The following SIPA1L1 variants were observed in gnomAD, a reference collection of about 807,000 sequenced individuals.
SIPA1L1 encodes the protein signal-induced proliferation-associated 1-like protein 1.
A neutral mutation model predicts 162.7 loss-of-function variants in SIPA1L1; 26 were observed. The ratio of observed to expected loss-of-function variants is 0.16; its 90% confidence interval spans 0.12 to 0.22. SIPA1L1 has a LOEUF of 0.22. Ranked by LOEUF, SIPA1L1 falls within the 10% of genes least tolerant of loss-of-function variation. The pLI is 1.00. For synonymous variants in SIPA1L1, 829 were observed against 837.4 expected (o/e 0.99, Z 0.17); for missense variants, 1,874 against 2,241.0 (o/e 0.84, Z 3.31).
intron 4 of SIPA1L1, among the ~76,000 whole-genome samples, chr14:71,548,045 A>C (rs932212641): frequency 1.4e-4 from 22 of 152,226 alleles, no homozygotes; most frequent in African/African-American, 5.3e-4. Context: ...AGCAGGTACC[A>C]ACTAGTGATT....
intron 2 of SIPA1L1, among the ~76,000 whole-genome samples, chr14:71,479,586 TA>T (rs2048180238): frequency 6.6e-6 from 1 of 151,962 alleles, no homozygotes; most frequent in Non-Finnish European, 1.5e-5. Flanking sequence ...TTTTTTATTT[TA>T]AATAGAGACA....
At chr14:71,491,574 G>A (rs771974143) in intron 2 of SIPA1L1, among the ~76,000 whole-genome samples, 9 of 151,818 alleles carry the variant, frequency 5.9e-5, no homozygotes, top group South Asian at 2.1e-4. Context: ...TCATTCTGTC[G>A]TCCAGACTGG....
intron 4 of SIPA1L1, among the ~76,000 whole-genome samples, chr14:71,570,707 G>A (rs759093843): frequency 4.6e-5 from 7 of 152,174 alleles, no homozygotes; most frequent in Non-Finnish European, 1.0e-4. Flanking sequence ...AGATACTGAA[G>A]ATGAAATGGA....
At chr14:71,663,767 G>A (rs1173339948) in intron 10 of SIPA1L1, among the ~76,000 whole-genome samples, 1 of 152,128 alleles carries the variant, frequency 6.6e-6, no homozygotes, top group Non-Finnish European at 1.5e-5. Flanking sequence ...AAGTCTTTGC[G>A]GGAAGTGGGA....
At chr14:71,392,703 A>ATT (rs890518455) in intron 2 of SIPA1L1, among the ~76,000 whole-genome samples, 2 of 145,566 alleles carry the variant, frequency 1.4e-5, no homozygotes, top group South Asian at 2.2e-4. Context: ...AATTTTTTGT[A>ATT]TTTTTTTTTT....
chr14:71,509,119 A>G (rs1226926623), intron 2 of SIPA1L1, among the ~76,000 whole-genome samples: 1 of 152,186 alleles, frequency 6.6e-6, no homozygotes, highest in Non-Finnish European at 1.5e-5. Context: ...AACGAGTTAC[A>G]GTTCTCTTGG....
chr14:71,344,240 G>C (rs936509463), intron 2 of SIPA1L1, among the ~76,000 whole-genome samples: 1 of 152,192 alleles, frequency 6.6e-6, no homozygotes, highest in African/African-American at 2.4e-5. Flanking sequence ...GCACATGCAG[G>C]CTTTGGAACC....
At chr14:71,366,768 C>G (rs1197326817) in intron 2 of SIPA1L1, among the ~76,000 whole-genome samples, 1 of 152,136 alleles carries the variant, frequency 6.6e-6, no homozygotes, top group Non-Finnish European at 1.5e-5. Flanking sequence ...AGTCTGTTCT[C>G]TCTTTAAAAG....
chr14:71,527,283 G>A lies in SIPA1L1; in HGVS notation c.-361-2029G>A, dbSNP rs1423790674. On this transcript the variant is annotated intron_variant, in intron 3 of 23. Transcript: ENST00000381232. ...CTGCTTCAGCCTCCCAAATAGCTGG[G>A]ACTATAGGCGCACACCACCATGCCT... is the stretch of plus-strand genomic sequence containing the variant. Among the ~76,000 whole-genome samples the A allele has an allele frequency of 6.6e-5, 10 of 151,984 alleles. 1 individual carries two copies.
chr14:71,396,271 A>C (rs187588799), intron 2 of SIPA1L1, among the ~76,000 whole-genome samples: 3 of 152,182 alleles, frequency 2.0e-5, no homozygotes, highest in African/African-American at 7.2e-5. Context: ...CTTGAAGTTT[A>C]TACCCAATTA....
In SIPA1L1 at chr14:71,502,072, C is replaced by CT. The variant is rs578226783; in HGVS notation, c.-464-10657dup. 1.9e-3 allele frequency among the ~76,000 whole-genome samples: 256 copies of CT among 133,396 alleles called. 2 individuals are homozygous for CT. The highest frequency in any genetic ancestry group is 2.5e-3 in the Admixed American group (33 of 13,242). 87.5% of individuals were successfully genotyped at this position (133,396 alleles called of 152,430 possible). On this transcript the variant is annotated intron_variant, in intron 2 of 23. Transcript: ENST00000381232. ...AAAAAAAAATCTTCATTGAACATAG[C>CT]TTTTTTTTTTTTTTCTTCTGTGTGT...
At chr14:71,351,816 A>G (rs2036740477) in intron 2 of SIPA1L1, among the ~76,000 whole-genome samples, 1 of 152,118 alleles carries the variant, frequency 6.6e-6, no homozygotes, top group Non-Finnish European at 1.5e-5. Flanking sequence ...TTAATAGATT[A>G]ATTAAATCTA....
chr14:71,577,069 C>CAAAA (rs747771194), intron 4 of SIPA1L1, among the ~76,000 whole-genome samples: 1 of 111,550 alleles, frequency 9.0e-6, no homozygotes, highest in Non-Finnish European at 1.8e-5. Flanking sequence ...GGTGACAGAG[C>CAAAA]AAAAAAAAAA....
intron 12 of SIPA1L1, among the ~76,000 whole-genome samples, chr14:71,674,564 T>TG: frequency 6.7e-6 from 1 of 149,774 alleles, no homozygotes; most frequent in Middle Eastern, 3.4e-3. Flanking sequence ...TTTTTTGTTT[T>TG]TTTTTGTTTT....
chr14:71,520,346 G>A (rs565018319), intron 3 of SIPA1L1, among the ~76,000 whole-genome samples: 1 of 152,278 alleles, frequency 6.6e-6, no homozygotes, highest in East Asian at 1.9e-4. Flanking sequence ...GATGCCATGA[G>A]AACACAGTAT....
intron 2 of SIPA1L1, among the ~76,000 whole-genome samples, chr14:71,404,247 A>T (rs192325262): frequency 2.8e-4 from 42 of 152,278 alleles, no homozygotes; most frequent in African/African-American, 9.9e-4. Context: ...ACTCACTTTT[A>T]TCTGAAAATT....
chr14:71,602,574 C>T (rs1223996875), intron 5 of SIPA1L1, among the ~76,000 whole-genome samples: 1 of 152,182 alleles, frequency 6.6e-6, no homozygotes, highest in East Asian at 1.9e-4. Context: ...CTGTTATATC[C>T]ATTTGGTCTA....
chr14:71,625,161 G>A (rs1167817112), intron 7 of SIPA1L1, among the ~76,000 whole-genome samples: 2 of 151,988 alleles, frequency 1.3e-5, no homozygotes, highest in African/African-American at 4.8e-5. Context: ...GATTTGGATA[G>A]GATTTCCTTA....
chr14:71,702,641 G>C, intron 15 of SIPA1L1, 136 bp downstream of exon 15: 1 of 792,640 alleles, frequency 1.3e-6, no homozygotes, highest in Non-Finnish European at 2.0e-6. Flanking sequence ...GTCTCTGTTA[G>C]ATTATGTATA....
Sources: allele counts gnomAD v4.1 joint callset (sites outside exome capture counted in the v4.1 genomes callset), GRCh38; gene constraint gnomAD v4.1.1; transcripts MANE v1.5; gene names NCBI Gene and HGNC (gene_info 2026-07-23, HGNC 2026-07-21).